MACROD1: variants seen among roughly 807,000 people sequenced by gnomAD.
MACROD1 encodes ADP-ribose glycohydrolase MACROD1.
MACROD1 carries 31 observed loss-of-function variants against 41.4 expected under a neutral mutation model. That is an observed-to-expected ratio of 0.75 (90% CI 0.56 to 1.01). The LOEUF (loss-of-function observed/expected upper bound fraction) is 1.01, where lower values mean the gene tolerates loss of function less well. Ranked by LOEUF, MACROD1 falls within the 50% of genes least tolerant of loss-of-function variation. The pLI, the probability that MACROD1 is intolerant of heterozygous loss-of-function variation, is 0.00. For synonymous variants in MACROD1, 252 were observed against 203.4 expected (o/e 1.24, Z -2.03); for missense variants, 473 against 460.0 (o/e 1.03, Z -0.26).
intron 3 of MACROD1, among the ~76,000 whole-genome samples, chr11:64,070,425 G>A (rs1044030713): frequency 2.6e-5 from 4 of 152,200 alleles, no homozygotes; most frequent in African/African-American, 7.2e-5. Context: ...TCCAGGAGAG[G>A]CCTCCGGGAG....
At chr11:64,028,415 C>T (rs1230982665) in intron 3 of MACROD1, among the ~76,000 whole-genome samples, 1 of 152,230 alleles carries the variant, frequency 6.6e-6, no homozygotes, top group Admixed American at 6.5e-5. Context: ...AGCTTGGGCT[C>T]CACGCTGCAG....
intron 1 of MACROD1, among the ~76,000 whole-genome samples, chr11:64,162,801 C>G (rs1377131476): frequency 1.4e-5 from 2 of 139,984 alleles, no homozygotes; most frequent in Non-Finnish European, 3.1e-5. Context: ...GGTGACAGAG[C>G]AAGACTCCAT....
At chr11:63,998,767 G>T (rs1189221534) in intron 10 of MACROD1, 71 bp downstream of exon 10, 4 of 1,434,812 alleles carry the variant, frequency 2.8e-6, no homozygotes, top group Non-Finnish European at 3.6e-6. Context: ...GCCCTGCTTG[G>T]GGGTGAGCGG....
chr11:64,095,725 C>T (rs1944563742), intron 3 of MACROD1, among the ~76,000 whole-genome samples: 2 of 152,190 alleles, frequency 1.3e-5, no homozygotes, highest in South Asian at 2.1e-4. Context: ...ATGCAGCAGG[C>T]GGAGGGAGGT....
At chr11:64,032,514 G>A (rs553507656) in intron 3 of MACROD1, among the ~76,000 whole-genome samples, 14 of 152,250 alleles carry the variant, frequency 9.2e-5, no homozygotes, top group South Asian at 2.1e-4. Context: ...TTGGCTGCCC[G>A]GTGGTAAGGC....
intron 3 of MACROD1, among the ~76,000 whole-genome samples, chr11:64,048,806 A>G (rs1943635151): frequency 6.6e-6 from 1 of 152,204 alleles, no homozygotes; most frequent in African/African-American, 2.4e-5. Context: ...TCTGAGCCCC[A>G]GGGGCTGCTA....
In MACROD1 at chr11:64,089,446, C is replaced by T. The variant is rs1264258431; in HGVS notation, c.517+61793G>A. 2.6e-5 allele frequency among the ~76,000 whole-genome samples: 4 copies of T among 152,316 alleles called. No homozygotes were observed. The East Asian group carries it at 5.8e-4, about 22-fold the overall frequency. On this transcript the variant is annotated intron_variant, in intron 3 of 10. Coordinates refer to ENST00000255681, the MANE Select transcript of MACROD1 (RefSeq NM_014067.4). ...GTAACATGGAGGAGTCGTCACCTCA[C>T]GGAGCAGGGGTGGGATTCAACACAG...
chr11:64,083,252 A>G (rs1275102817), intron 3 of MACROD1, among the ~76,000 whole-genome samples: 1 of 152,188 alleles, frequency 6.6e-6, no homozygotes, highest in Non-Finnish European at 1.5e-5. Context: ...CCTTGGCAAC[A>G]TGGTGAAACC....
intron 3 of MACROD1, among the ~76,000 whole-genome samples, chr11:64,074,375 C>T (rs931824148): frequency 3.9e-5 from 6 of 152,208 alleles, no homozygotes; most frequent in African/African-American, 1.4e-4. Flanking sequence ...CTCACCTCTG[C>T]AGTTTCTAAT....
At chr11:64,100,869 G>T (rs1944658867) in intron 3 of MACROD1, among the ~76,000 whole-genome samples, 1 of 152,300 alleles carries the variant, frequency 6.6e-6, no homozygotes, top group South Asian at 2.1e-4. Context: ...GGGGGTGGGG[G>T]CTGCAGCAGG....
intron 3 of MACROD1, among the ~76,000 whole-genome samples, chr11:64,119,551 T>G (rs596513): frequency 5.3e-5 from 8 of 152,060 alleles, no homozygotes; most frequent in Non-Finnish European, 1.2e-4. Flanking sequence ...TTAGACCTAT[T>G]GGTTTCCATG....
intron 3 of MACROD1, among the ~76,000 whole-genome samples, chr11:64,074,200 G>A (rs1014521658): frequency 1.3e-5 from 2 of 152,256 alleles, no homozygotes; most frequent in Non-Finnish European, 2.9e-5. Flanking sequence ...CCGAGGCAGA[G>A]AGAAAGGAGG....
intron 3 of MACROD1, among the ~76,000 whole-genome samples, chr11:64,029,969 G>T (rs1317540088): frequency 6.6e-6 from 1 of 152,176 alleles, no homozygotes; most frequent in African/African-American, 2.4e-5. Flanking sequence ...CCAAGGGAAG[G>T]AGGGGCCCAT....
rs113801681 is a variant in MACROD1, at chr11:64,056,142, AC to A, written c.518-40862del. Reference sequence around the variant, plus strand: ...GCAATAAGCAGCCCCGGCAGTTGGGACCCCCGCCCACTTTGCTCCCATCTTT... The same window carrying A: ...GCAATAAGCAGCCCCGGCAGTTGGGACCCCGCCCACTTTGCTCCCATCTTT... On this transcript the variant is annotated intron_variant, in intron 3 of 10. Coordinates refer to ENST00000255681, the MANE Select transcript of MACROD1 (RefSeq NM_014067.4). Among the ~76,000 whole-genome samples, 123 of 151,880 alleles carry A rather than the reference AC, an allele frequency of 8.1e-4. 2 individuals carry two copies. The highest frequency in any genetic ancestry group is 3.4e-3 in the Middle Eastern group (1 of 292).
intron 3 of MACROD1, among the ~76,000 whole-genome samples, chr11:64,063,494 G>A (rs920353383): frequency 6.6e-6 from 1 of 152,102 alleles, no homozygotes; most frequent in African/African-American, 2.4e-5. Flanking sequence ...CAAGGGGTGG[G>A]GAAAGGCATC....
At chr11:64,117,780 A>G (rs147268385) in intron 3 of MACROD1, 1 of 1,614,006 alleles carries the variant, frequency 6.2e-7, no homozygotes, top group African/African-American at 1.3e-5. Flanking sequence ...CACCTACATC[A>G]TCTGCATGGT....
rs372394619 is a variant in MACROD1, at chr11:64,047,362, T to G, written c.518-32081A>C. Among the ~76,000 whole-genome samples, 310 of 152,230 alleles carry G rather than the reference T, an allele frequency of 2.0e-3. 3 individuals are homozygous for G. The highest frequency in any genetic ancestry group is 0.018 in the South Asian group (85 of 4,816). On this transcript the variant is annotated intron_variant, in intron 3 of 10. Transcript: ENST00000255681. Reference sequence around the variant, plus strand: ...GGCGAAACCTGAGGCTCAGGGAGGTTCAGTCACTGGGCCAAGGTCACCCAG... The same window carrying G: ...GGCGAAACCTGAGGCTCAGGGAGGTGCAGTCACTGGGCCAAGGTCACCCAG...
intron 3 of MACROD1, among the ~76,000 whole-genome samples, chr11:64,136,522 G>C (rs1039337300): frequency 6.6e-6 from 1 of 152,206 alleles, no homozygotes; most frequent in Non-Finnish European, 1.5e-5. Flanking sequence ...AGAGGGGAGG[G>C]GCCTGCCTGG....
At chr11:64,028,040 CCT>C (rs1471910842) in intron 3 of MACROD1, among the ~76,000 whole-genome samples, 3 of 152,248 alleles carry the variant, frequency 2.0e-5, no homozygotes, top group African/African-American at 7.2e-5. Flanking sequence ...GCACCCGCCA[CCT>C]CTCTGCAGCC....
Sources: gnomAD v4.1 joint callset for allele counts (sites outside exome capture counted in the v4.1 genomes callset) on GRCh38, gnomAD v4.1.1 for gene constraint, MANE v1.5 for transcripts, NCBI Gene and HGNC (gene_info 2026-07-23, HGNC 2026-07-21) for gene names.